The following SLIT2 variants were observed in gnomAD, a reference collection of about 807,000 sequenced individuals.
The protein encoded by SLIT2 is slit guidance ligand 2, also known as slit homolog 2 protein.
A neutral mutation model predicts 185.7 loss-of-function variants in SLIT2; 41 were observed. That is an observed-to-expected ratio of 0.22 (90% CI 0.17 to 0.29). SLIT2 has a LOEUF of 0.29. SLIT2 is among the 10% of genes least tolerant of loss of function. SLIT2 has a pLI of 1.00. For missense variants in SLIT2, 1,571 were observed against 1,909.0 expected (o/e 0.82, Z 3.30); for synonymous variants, 693 against 680.2 (o/e 1.02, Z -0.29).
At chr4:20,319,138 A>G (rs1397982514) in intron 4 of SLIT2, among the ~76,000 whole-genome samples, 1 of 152,138 alleles carries the variant, frequency 6.6e-6, no homozygotes, top group Non-Finnish European at 1.5e-5. Context: ...ATTATTTTAC[A>G]TTTATTGAGT....
chr4:20,548,997 G>T (rs1723496880), intron 23 of SLIT2, 60 bp from the exon 24 acceptor site: 1 of 908,436 alleles, frequency 1.1e-6, no homozygotes, highest in East Asian at 2.4e-5. Context: ...TTTATTTTTG[G>T]AAGTATTTGG....
At chr4:20,280,053 G>GC (rs1714571069) in intron 4 of SLIT2, among the ~76,000 whole-genome samples, 1 of 152,190 alleles carries the variant, frequency 6.6e-6, no homozygotes, top group Admixed American at 6.5e-5. Context: ...GGCTTTTACA[G>GC]CTGGGCATGG....
intron 4 of SLIT2, among the ~76,000 whole-genome samples, chr4:20,434,304 A>G (rs1386802930): frequency 8.6e-6 from 1 of 116,146 alleles, no homozygotes; most frequent in African/African-American, 3.5e-5. Flanking sequence ...CCTGACCAAC[A>G]TGGAGAACCC....
intron 4 of SLIT2, among the ~76,000 whole-genome samples, chr4:20,412,223 C>G (rs1727312498): frequency 6.6e-6 from 1 of 151,816 alleles, no homozygotes; most frequent in Non-Finnish European, 1.5e-5. Context: ...AAAGAATGCT[C>G]ACGTTCTTGA....
rs10023635 is a variant in SLIT2 at position 20,417,294 on chromosome 4, C to T, written c.396-50458C>T. 4.7e-3 allele frequency among the ~76,000 whole-genome samples: 717 copies of T among 151,722 alleles called. 11 individuals carry two copies. The highest frequency in any genetic ancestry group is 0.017 in the African/African-American group (695 of 41,388). ...GTCTCATGATTTGGAGATAGGGCTC[C>T]AGCTTTCTCTGCTAATGTATTTCCT... On this transcript the variant is annotated intron_variant, in intron 4 of 36. Transcript: ENST00000504154.
chr4:20,471,324 A>T (rs1030930613), intron 5 of SLIT2, among the ~76,000 whole-genome samples: 2 of 152,182 alleles, frequency 1.3e-5, no homozygotes, highest in Non-Finnish European at 2.9e-5. Flanking sequence ...ATTATAACTG[A>T]GGGTAAATTT....
intron 12 of SLIT2, among the ~76,000 whole-genome samples, chr4:20,521,728 G>A (rs867955487): frequency 8.6e-5 from 13 of 152,030 alleles, no homozygotes; most frequent in African/African-American, 2.7e-4. Flanking sequence ...AGCTCCTGAT[G>A]GGGAATCAAA....
chr4:20,328,555 GCAATAAAAA>G (rs1329792310), intron 4 of SLIT2, among the ~76,000 whole-genome samples: 1 of 151,572 alleles, frequency 6.6e-6, no homozygotes, highest in African/African-American at 2.4e-5. Context: ...CAGTTTTGCT[GCAATAAAAA>G]CAATAGAATA....
intron 18 of SLIT2, among the ~76,000 whole-genome samples, chr4:20,536,558 C>CAAAAAAAA (rs35710842): frequency 1.8e-4 from 14 of 75,830 alleles, no homozygotes; most frequent in Non-Finnish European, 2.0e-4. Flanking sequence ...AACTCTGTCG[C>CAAAAAAAA]AAAAAAAAAA....
At chr4:20,281,566 G>T (rs957827438) in intron 4 of SLIT2, among the ~76,000 whole-genome samples, 2 of 152,048 alleles carry the variant, frequency 1.3e-5, no homozygotes, top group Non-Finnish European at 2.9e-5. Context: ...ACTTGGTGTG[G>T]GTTTTCTTTC....
chr4:20,284,447 ACTGAGTGCT>A (rs776779227), intron 4 of SLIT2, among the ~76,000 whole-genome samples: 19 of 152,228 alleles, frequency 1.2e-4, no homozygotes, highest in Non-Finnish European at 2.6e-4. Context: ...ATTCACATGC[ACTGAGTGCT>A]CAAATATTCA....
At chr4:20,317,687 C>T (rs1393113653) in intron 4 of SLIT2, among the ~76,000 whole-genome samples, 1 of 152,016 alleles carries the variant, frequency 6.6e-6, no homozygotes, top group Non-Finnish European at 1.5e-5. Context: ...AGGGCTTGTT[C>T]CTGTCAGTAA....
intron 4 of SLIT2, among the ~76,000 whole-genome samples, chr4:20,416,904 A>C (rs560732605): frequency 1.3e-5 from 2 of 151,754 alleles, no homozygotes; most frequent in African/African-American, 4.8e-5. Flanking sequence ...CTTGCCTTCT[A>C]TGTTCTTCCA....
intron 29 of SLIT2, among the ~76,000 whole-genome samples, chr4:20,572,619 T>C (rs899796532): frequency 1.3e-5 from 2 of 152,148 alleles, no homozygotes; most frequent in African/African-American, 4.8e-5. Flanking sequence ...ATGGACACTT[T>C]TTTTAGGCTG....
chr4:20,274,667 C>G (rs1180613034), intron 4 of SLIT2, among the ~76,000 whole-genome samples: 2 of 151,898 alleles, frequency 1.3e-5, no homozygotes, highest in African/African-American at 4.8e-5. Context: ...ACAGAGTGGA[C>G]CTTCTGAGTG....
chr4:20,477,405 G>C (rs1310251404), intron 5 of SLIT2, among the ~76,000 whole-genome samples: 2 of 151,960 alleles, frequency 1.3e-5, no homozygotes, highest in East Asian at 1.9e-4. Flanking sequence ...CACCATGTTG[G>C]CCAGGCTGGT....
chr4:20,292,547 T>A (rs758549823), intron 4 of SLIT2, among the ~76,000 whole-genome samples: 6 of 152,132 alleles, frequency 3.9e-5, no homozygotes, highest in Non-Finnish European at 8.8e-5. Context: ...GGAGAAACAC[T>A]CTGACATAGT....
At chr4:20,304,599 T>C (rs1054273980) in intron 4 of SLIT2, among the ~76,000 whole-genome samples, 5 of 152,152 alleles carry the variant, frequency 3.3e-5, no homozygotes, top group African/African-American at 1.2e-4. Context: ...CTTGGAATAC[T>C]TGTGGTTAGA....
At chr4:20,545,121 A>G (rs1310654769) in intron 21 of SLIT2, among the ~76,000 whole-genome samples, 1 of 152,100 alleles carries the variant, frequency 6.6e-6, no homozygotes, top group Non-Finnish European at 1.5e-5. Context: ...TCCAGAAAAA[A>G]TACCAACTTC....
Sources: allele counts gnomAD v4.1 joint callset (sites outside exome capture counted in the v4.1 genomes callset), GRCh38; gene constraint gnomAD v4.1.1; transcripts MANE v1.5; gene names NCBI Gene and HGNC (gene_info 2026-07-23, HGNC 2026-07-21).